LCLAT1: variants seen among roughly 807,000 people sequenced by gnomAD.
LCLAT1 encodes 1-AGP acyltransferase 8.
LCLAT1 carries 11 observed loss-of-function variants against 30.7 expected under a neutral mutation model. The ratio of observed to expected loss-of-function variants is 0.36; its 90% CI spans 0.23 to 0.59. LCLAT1 has a LOEUF of 0.59. LCLAT1 is among the 20% of genes least tolerant of loss of function. The pLI is 0.77. For synonymous variants in LCLAT1, 155 were observed against 151.3 expected (o/e 1.02, Z -0.18); for missense variants, 402 against 458.6 (o/e 0.88, Z 1.13).
intron 5 of LCLAT1, among the ~76,000 whole-genome samples, chr2:30,584,355 TG>T (rs538211624): frequency 7.9e-4 from 120 of 152,328 alleles, no homozygotes; most frequent in African/African-American, 2.7e-3. Flanking sequence ...GCTTTGTTGT[TG>T]TTGCAGTTGT....
At chr2:30,603,593 TG>T (rs2148494278) in intron 5 of LCLAT1, among the ~76,000 whole-genome samples, 1 of 152,190 alleles carries the variant, frequency 6.6e-6, no homozygotes, top group South Asian at 2.1e-4. Context: ...GCACCTTTCT[TG>T]GGGAACTGTT....
At chr2:30,611,178 T>C (rs1667720571) in intron 5 of LCLAT1, among the ~76,000 whole-genome samples, 1 of 151,784 alleles carries the variant, frequency 6.6e-6, no homozygotes, top group Non-Finnish European at 1.5e-5. Context: ...CCTTTTATAG[T>C]CTTTCCTGCT....
At chr2:30,468,060 T>G (rs1315202853) in intron 1 of LCLAT1, among the ~76,000 whole-genome samples, 1 of 152,208 alleles carries the variant, frequency 6.6e-6, no homozygotes, top group Admixed American at 6.5e-5. Context: ...TTCTAGGGTT[T>G]TTATGGTTTT....
chr2:30,473,542 C>A (rs1236378595), intron 1 of LCLAT1, among the ~76,000 whole-genome samples: 2 of 152,082 alleles, frequency 1.3e-5, no homozygotes, highest in African/African-American at 4.8e-5. Context: ...AATTTATGAA[C>A]CTAAACAAAG....
chr2:30,632,936 G>T (rs1002305283), intron 5 of LCLAT1, among the ~76,000 whole-genome samples: 16 of 152,206 alleles, frequency 1.1e-4, no homozygotes, highest in Admixed American at 2.0e-4. Flanking sequence ...AAATGGTACT[G>T]TTTGAGCCTT....
chr2:30,551,268 A>C (rs889285156), intron 3 of LCLAT1, among the ~76,000 whole-genome samples: 1 of 152,150 alleles, frequency 6.6e-6, no homozygotes, highest in African/African-American at 2.4e-5. Flanking sequence ...TGGCTTCCCA[A>C]AGTGCTGAGA....
At chr2:30,599,137 A>T (rs1667064689) in intron 5 of LCLAT1, among the ~76,000 whole-genome samples, 1 of 152,110 alleles carries the variant, frequency 6.6e-6, no homozygotes, top group African/African-American at 2.4e-5. Context: ...ATGCACCAGC[A>T]TGCCAGGCTA....
chr2:30,497,326 G>C (rs1684166798), intron 1 of LCLAT1, among the ~76,000 whole-genome samples: 1 of 152,042 alleles, frequency 6.6e-6, no homozygotes, highest in African/African-American at 2.4e-5. Flanking sequence ...TGGAATTTTC[G>C]TAGCTTAACT....
At chr2:30,540,992 T>G (rs939107064) in intron 3 of LCLAT1, among the ~76,000 whole-genome samples, 1 of 152,190 alleles carries the variant, frequency 6.6e-6, no homozygotes, top group African/African-American at 2.4e-5. Context: ...GTAATGAGGC[T>G]GGACATTTTT....
chr2:30,510,015 G>T (rs1476602054), intron 1 of LCLAT1, among the ~76,000 whole-genome samples: 1 of 152,164 alleles, frequency 6.6e-6, no homozygotes, highest in Non-Finnish European at 1.5e-5. Flanking sequence ...CTCTATTCTT[G>T]ACTCAAACAG....
chr2:30,529,670 G>T (rs1685895341), intron 2 of LCLAT1, among the ~76,000 whole-genome samples: 1 of 152,064 alleles, frequency 6.6e-6, no homozygotes, highest in Non-Finnish European at 1.5e-5. Context: ...GTCTACCCAG[G>T]GCACAAGTTT....
intron 5 of LCLAT1, among the ~76,000 whole-genome samples, chr2:30,611,137 G>A (rs1667718189): frequency 4.4e-5 from 6 of 135,482 alleles, no homozygotes; most frequent in Admixed American, 4.4e-4. Flanking sequence ...TTTTTCTTCT[G>A]GCCTTTTTGT....
At chr2:30,615,899 A>G (rs139815480) in intron 5 of LCLAT1, among the ~76,000 whole-genome samples, 68 of 152,332 alleles carry the variant, frequency 4.5e-4, no homozygotes, top group African/African-American at 1.4e-3. Flanking sequence ...TATGACATCT[A>G]TTCACATTGG....
chr2:30,469,100 T>A (rs894309085), intron 1 of LCLAT1, among the ~76,000 whole-genome samples: 5 of 152,188 alleles, frequency 3.3e-5, no homozygotes, highest in Admixed American at 3.3e-4. Context: ...AAAAAGTTAT[T>A]TGTCTTTTTG....
chr2:30,507,090 A>G (rs1572542481), intron 1 of LCLAT1, among the ~76,000 whole-genome samples: 1 of 152,262 alleles, frequency 6.6e-6, no homozygotes, highest in East Asian at 1.9e-4. Flanking sequence ...GTATATGCAT[A>G]TACTATATAT....
At chr2:30,547,739 G>C (rs1263586977) in intron 3 of LCLAT1, among the ~76,000 whole-genome samples, 1 of 151,952 alleles carries the variant, frequency 6.6e-6, no homozygotes, top group Non-Finnish European at 1.5e-5. Context: ...GGGAGATCCT[G>C]GCTCCTGAAC....
chr2:30,514,785 G>A (rs1685104832), intron 1 of LCLAT1, among the ~76,000 whole-genome samples: 1 of 152,180 alleles, frequency 6.6e-6, no homozygotes, highest in African/African-American at 2.4e-5. Flanking sequence ...CAAGTCCCAT[G>A]CACTCTCTGT....
At position 30,562,298 on chromosome 2, in the gene LCLAT1, G is replaced by A. The variant is rs1285845938; in HGVS notation, c.511+6G>A. ...AGAAGGGACTGATCTCACAGGTAAT[G>A]TAGCCTGGGTTTGGCAAAGTTAGAA... is the stretch of plus-strand genomic sequence containing the variant. On this transcript the variant is annotated splice_donor_region_variant and intron_variant, in intron 4 of 5. Coordinates refer to ENST00000379509, the MANE Select transcript of LCLAT1 (RefSeq NM_001002257.3). The A allele has an allele frequency of 6.3e-7, 1 of 1,588,906 alleles. No homozygotes were observed. The highest frequency in any genetic ancestry group is 8.6e-7 in the Non-Finnish European group (1 of 1,163,426).
intron 5 of LCLAT1, among the ~76,000 whole-genome samples, chr2:30,598,752 C>T (rs994485180): frequency 9.2e-5 from 14 of 151,966 alleles, no homozygotes; most frequent in Non-Finnish European, 1.9e-4. Flanking sequence ...GTTAGGATGT[C>T]AATTTGAGAT....
Sources: gnomAD v4.1 joint callset for allele counts (sites outside exome capture counted in the v4.1 genomes callset) on GRCh38, gnomAD v4.1.1 for gene constraint, MANE v1.5 for transcripts, NCBI Gene and HGNC (gene_info 2026-07-23, HGNC 2026-07-21) for gene names.